Variants in TRPV1 observed in about 807,000 individuals in gnomAD.
The protein encoded by TRPV1 is OTRPC1.
TRPV1 carries 82 observed loss-of-function variants against 82.3 expected under a neutral mutation model. The observed-to-expected ratio is 1.00, with a 90% CI of 0.83 to 1.20. The LOEUF (loss-of-function observed/expected upper bound fraction) is 1.20. TRPV1 is among the 50% of genes most tolerant of loss of function. The pLI, the probability that TRPV1 is intolerant of heterozygous loss-of-function variation, is 0.00. For missense variants in TRPV1, 1,067 were observed against 1,096.8 expected, an observed-to-expected ratio of 0.97 and a Z score of 0.38; for synonymous variants, 515 against 467.7, an observed-to-expected ratio of 1.10 and a Z score of -1.30.
rs185075116 is a variant in TRPV1, at chr17:3,606,329, C to T, written c.-34+2098G>A. Among the ~76,000 whole-genome samples, 798 of 152,314 alleles carry T rather than the reference C, an allele frequency of 5.2e-3. 7 individuals carry two copies. The highest frequency in any genetic ancestry group is 0.018 in the African/African-American group (748 of 41,574). On this transcript the variant is annotated intron_variant, in intron 2 of 16. Transcript: ENST00000572705. Reference sequence around the variant, plus strand: ...TGAGAACTCTACACCACACTGTCCTCACTCAGGGACCCAGGCTGACAGAGC... The same window carrying T: ...TGAGAACTCTACACCACACTGTCCTTACTCAGGGACCCAGGCTGACAGAGC...
intron 9 of TRPV1, among the ~76,000 whole-genome samples, chr17:3,584,402 C>CAAGAAAAAAAAA (rs2075057678): frequency 1.8e-4 from 3 of 16,746 alleles, no homozygotes; most frequent in African/African-American, 7.0e-4. Flanking sequence ...GACTCTGTCT[C>CAAGAAAAAAAAA]AAAAAAAAAA....
At chr17:3,585,583 C>A in intron 9 of TRPV1, 185 bp downstream of exon 9, 1 of 702,862 alleles carries the variant, frequency 1.4e-6, no homozygotes, top group South Asian at 1.9e-5. Context: ...TCCTGTACAG[C>A]CTGAGGCAGG....
rs779727792 is a variant in TRPV1 at position 3,591,015 on chromosome 17, C to T, written c.553G>A (p.Asp185Asn). ...PLLLEIARQTDSLKELVNASY... is the reference protein window; with the variant it reads ...PLLLEIARQTNSLKELVNASY... ...GCGTTGACAAGCTCCTTCAGGCTGTCCGTTTGCCGCGCGATCTCCAGGAGC... is the reference window on the plus strand; with the variant it reads ...GCGTTGACAAGCTCCTTCAGGCTGTTCGTTTGCCGCGCGATCTCCAGGAGC... Residue 185 changes from aspartate (D) to asparagine (N), a missense_variant, in exon 5 of 17, where the codon GAC (aspartate) becomes AAC (asparagine). Transcript: ENST00000572705. 1 of 1,611,340 alleles carries T rather than the reference C, an allele frequency of 6.2e-7. No homozygotes were observed. Among genetic ancestry groups the T allele is most frequent in the Admixed American group, 1.7e-5 (1 of 59,558 alleles).
At chr17:3,577,335 G>A (rs2074946895) in intron 12 of TRPV1, 143 bp from the exon 13 acceptor site, 2 of 946,442 alleles carry the variant, frequency 2.1e-6, no homozygotes, top group African/African-American at 3.3e-5. Context: ...GGGGTCATGA[G>A]GGAGTCACCC....
chr17:3,589,708 A>G (rs2075129318), intron 7 of TRPV1, 99 bp downstream of exon 7: 1 of 1,396,614 alleles, frequency 7.2e-7, no homozygotes, highest in Non-Finnish European at 9.7e-7. Flanking sequence ...AGTCCCGCAC[A>G]CACAGATAGC....
intron 9 of TRPV1, among the ~76,000 whole-genome samples, chr17:3,583,903 C>T (rs564134387): frequency 3.2e-4 from 49 of 152,166 alleles, no homozygotes; most frequent in Non-Finnish European, 3.1e-4. Flanking sequence ...TGGCCATTTC[C>T]TGGAGTGGGT....
chr17:3,598,087 G>A (rs896947324), intron 2 of TRPV1, among the ~76,000 whole-genome samples: 1 of 152,188 alleles, frequency 6.6e-6, no homozygotes, highest in Admixed American at 6.5e-5. Context: ...AGAACAATAG[G>A]TTTCATTCTC....
At chr17:3,596,899 G>A (rs7214357) in intron 2 of TRPV1, 24,201 of 152,394 alleles carry the variant, frequency 0.16, 6,242 homozygotes, top group African/African-American at 0.54. Flanking sequence ...TTGGCCATCA[G>A]ACAAAGAAAG....
intron 12 of TRPV1, 92 bp from the exon 13 acceptor site, chr17:3,577,284 G>C: frequency 7.2e-7 from 1 of 1,384,150 alleles, no homozygotes; most frequent in South Asian, 1.3e-5. Flanking sequence ...GATGCGTCTT[G>C]AGAACGTGCA....
At chr17:3,573,008 A>T (rs1177414259) in intron 14 of TRPV1, among the ~76,000 whole-genome samples, 1 of 145,136 alleles carries the variant, frequency 6.9e-6, no homozygotes, top group East Asian at 2.2e-4. Flanking sequence ...AAAAAAAAAA[A>T]AGGAACAGTA....
intron 2 of TRPV1, among the ~76,000 whole-genome samples, chr17:3,602,812 C>T (rs1215585498): frequency 6.6e-6 from 1 of 152,196 alleles, no homozygotes; most frequent in Non-Finnish European, 1.5e-5. Context: ...TCTTCACTCA[C>T]CTGGGTTCCT....
In TRPV1 at chr17:3,590,960, T is replaced by G; in HGVS notation, c.604+4A>C. The G allele has an allele frequency of 6.3e-7, 1 of 1,599,290 alleles. No homozygotes were observed. ...GCCATGCCCGGCCCCGCCGCCCTCC[T>G]CACCCTTGTAGTAGCTGTCCGTGTA... On this transcript the variant is annotated splice_donor_region_variant and intron_variant, in intron 5 of 16. Coordinates refer to ENST00000572705, the MANE Select transcript of TRPV1 (RefSeq NM_080704.4).
In TRPV1 at chr17:3,580,489, G is replaced by C; in HGVS notation, c.1515C>G (p.Thr505=). 1 of 1,614,036 alleles carries C rather than the reference G, an allele frequency of 6.2e-7. No homozygotes were observed. Among genetic ancestry groups the C allele is most frequent in the South Asian group, 1.1e-5 (1 of 91,084 alleles). The stretch of plus-strand genomic sequence containing the variant: ...TCTCACTGTAGCTGTCCACAAACAG[G>C]GTCTTCATCGACGGCCGCCTCTGCA... ...YFLQRRPSMK[T]LFVDSYSEML... The change falls in exon 11 of 17, where the codon ACC becomes ACG. Residue 505 remains threonine (T), a synonymous_variant. Transcript: ENST00000572705.
chr17:3,606,438 G>A (rs1297509614), intron 2 of TRPV1, among the ~76,000 whole-genome samples: 2 of 152,186 alleles, frequency 1.3e-5, no homozygotes, highest in Non-Finnish European at 2.9e-5. Flanking sequence ...AAAGACCTCT[G>A]CCCAGGAGTG....
At chr17:3,569,402 G>A (rs1394833152) in intron 16 of TRPV1, among the ~76,000 whole-genome samples, 5 of 152,110 alleles carry the variant, frequency 3.3e-5, no homozygotes, top group African/African-American at 1.2e-4. Flanking sequence ...ACTCCAGCCT[G>A]GGCAACACAG....
intron 2 of TRPV1, among the ~76,000 whole-genome samples, chr17:3,604,797 A>C (rs1244047318): frequency 6.6e-6 from 1 of 151,962 alleles, no homozygotes; most frequent in Non-Finnish European, 1.5e-5. Context: ...CCATCTCTCC[A>C]GGCTGTTTTA....
At chr17:3,589,732 C>A in intron 7 of TRPV1, 75 bp downstream of exon 7, 1 of 1,512,616 alleles carries the variant, frequency 6.6e-7, no homozygotes, top group South Asian at 1.3e-5. Context: ...GCCAGGCTCC[C>A]GCAGTGAGTC....
intron 2 of TRPV1, among the ~76,000 whole-genome samples, chr17:3,606,867 C>T (rs555007409): frequency 6.6e-6 from 1 of 152,294 alleles, no homozygotes; most frequent in Admixed American, 6.5e-5. Context: ...CCGTTCCTAA[C>T]CTTACATTTG....
intron 13 of TRPV1, among the ~76,000 whole-genome samples, chr17:3,575,167 T>A (rs1351997841): frequency 3.3e-5 from 5 of 152,108 alleles, no homozygotes; most frequent in Non-Finnish European, 7.4e-5. Flanking sequence ...AGGTAATAAA[T>A]GCAGAAGCAA....
Sources: allele counts gnomAD v4.1 joint callset (sites outside exome capture counted in the v4.1 genomes callset), GRCh38; gene constraint gnomAD v4.1.1; transcripts MANE v1.5; gene names NCBI Gene and HGNC (gene_info 2026-07-23, HGNC 2026-07-21).